The following EEF2K variants were observed in gnomAD, a reference collection of about 807,000 sequenced individuals.
EEF2K encodes the protein alternative protein EEF2K.
EEF2K carries 70 observed loss-of-function variants against 93.8 expected under a neutral mutation model. The ratio of observed to expected loss-of-function variants is 0.75; its 90% CI spans 0.62 to 0.91. EEF2K has a LOEUF of 0.91. Among genes scored for constraint, EEF2K ranks in the 40% least tolerant of loss-of-function variants. EEF2K has a pLI of 0.00. For synonymous variants in EEF2K, 376 were observed against 380.8 expected (o/e 0.99, Z 0.15); for missense variants, 935 against 972.9 (o/e 0.96, Z 0.52).
chr16:22,222,474 G>T (rs150611765), intron 1 of EEF2K, among the ~76,000 whole-genome samples: 17,154 of 151,574 alleles, frequency 0.11, 1,171 homozygotes, highest in East Asian at 0.29. Context: ...CTCCCAAAGT[G>T]CTGGGATTAC....
chr16:22,267,826 G>A (rs2047540299), intron 15 of EEF2K, among the ~76,000 whole-genome samples: 1 of 152,186 alleles, frequency 6.6e-6, no homozygotes, highest in Non-Finnish European at 1.5e-5. Flanking sequence ...GGAGCCTGCT[G>A]CTGCTTCTGT....
intron 8 of EEF2K, 42 bp from the exon 9 acceptor site, chr16:22,257,601 C>T (rs2047416732): frequency 1.2e-6 from 2 of 1,603,336 alleles, no homozygotes; most frequent in African/African-American, 1.3e-5. Flanking sequence ...TCCCCCGTCA[C>T]AGAGCAAAGC....
chr16:22,247,460 A>AG (rs35138611), intron 3 of EEF2K, among the ~76,000 whole-genome samples: 1 of 151,310 alleles, frequency 6.6e-6, no homozygotes, highest in East Asian at 1.9e-4. Context: ...AAAAAAAAAA[A>AG]TTCTCTAACC....
intron 1 of EEF2K, among the ~76,000 whole-genome samples, chr16:22,216,367 GCAGT>G (rs1254822270): frequency 6.6e-6 from 1 of 152,168 alleles, no homozygotes; most frequent in Non-Finnish European, 1.5e-5. Context: ...CACCTGGTGT[GCAGT>G]CAGTCTTTCA....
chr16:22,257,880 G>T, intron 9 of EEF2K, 110 bp downstream of exon 9: 1 of 1,476,462 alleles, frequency 6.8e-7, no homozygotes, highest in South Asian at 1.3e-5. Flanking sequence ...CTTAACTGAT[G>T]AATACCAGGG....
At position 22,248,808 on chromosome 16, in the gene EEF2K, C is replaced by T. The variant is rs753226497; in HGVS notation, c.401C>T (p.Ala134Val). Residue 134 changes from alanine to valine, a missense_variant, in exon 4 of 18, where the codon GCA (alanine) becomes GTA (valine). Transcript: ENST00000263026. ...WLDDEVLIKM[A>V]SQPFGRGAMR... Reference sequence around the variant, plus strand: ...GATGATGAAGTTCTGATCAAGATGGCATCTCAGGTGAGCAGAGCGTTGAGC... The same window carrying T: ...GATGATGAAGTTCTGATCAAGATGGTATCTCAGGTGAGCAGAGCGTTGAGC... 4 of 1,613,836 alleles carry T rather than the reference C, an allele frequency of 2.5e-6. No individual in the cohort carries two copies. The highest frequency in any genetic ancestry group is 4.5e-5 in the East Asian group (2 of 44,886).
rs371109837 is a variant in EEF2K, at chr16:22,256,897, G to T, written c.768G>T (p.Gln256His). The T allele has an allele frequency of 6.2e-7, 1 of 1,613,656 alleles. No homozygotes were observed. The highest frequency in any genetic ancestry group is 8.5e-7 in the Non-Finnish European group (1 of 1,179,974). ...ATGACAACATCCGCCTGACGCCGCA[G>T]GTGAGGCCGAGCTCACCTCCACCCT... ...VRDDNIRLTPQAFSHFTFERS... is the reference protein window; with the variant it reads ...VRDDNIRLTPHAFSHFTFERS... Residue 256 changes from glutamine to histidine, a missense_variant and splice_region_variant, in exon 7 of 18, where the codon CAG becomes CAT. Coordinates refer to ENST00000263026, the MANE Select transcript of EEF2K (RefSeq NM_013302.5).
At chr16:22,278,865 G>T (rs1374399200) in intron 16 of EEF2K, among the ~76,000 whole-genome samples, 3 of 152,134 alleles carry the variant, frequency 2.0e-5, no homozygotes, top group Admixed American at 6.6e-5. Context: ...GGAGTTGAGG[G>T]TCGACGGGCA....
intron 15 of EEF2K, among the ~76,000 whole-genome samples, chr16:22,271,549 A>G (rs964159559): frequency 2.0e-5 from 3 of 151,714 alleles, no homozygotes; most frequent in Non-Finnish European, 4.4e-5. Flanking sequence ...CCAAAAAAAC[A>G]AATTAGCCTG....
chr16:22,217,377 AG>A (rs2046968706), intron 1 of EEF2K, among the ~76,000 whole-genome samples: 3 of 152,012 alleles, frequency 2.0e-5, no homozygotes, highest in Non-Finnish European at 2.9e-5. Flanking sequence ...GATCATATAC[AG>A]TGGCCCTAGT....
At position 22,225,832 on chromosome 16, in the gene EEF2K, G is replaced by T; in HGVS notation, c.103G>T (p.Glu35Ter). 3 of 1,614,244 alleles carry T rather than the reference G, an allele frequency of 1.9e-6. No individual in the cohort carries two copies. The East Asian group carries it at 6.7e-5, about 36-fold the overall frequency. ...GDSDGDSDDE[E>*]GYFICPITDD... ...TTCTGATGGGGACAGCGACGATGAG[G>T]AAGGTTACTTCATCTGCCCCATCAC... The change falls in exon 2 of 18, where the codon GAA (glutamate) becomes TAA (stop). Residue 35 changes from glutamate to a stop codon, truncating the protein, a stop_gained. Transcript: ENST00000263026. LOFTEE classifies it high-confidence loss of function.
chr16:22,231,758 G>C (rs977004739), intron 2 of EEF2K, among the ~76,000 whole-genome samples: 1 of 151,794 alleles, frequency 6.6e-6, no homozygotes, highest in African/African-American at 2.4e-5. Context: ...TTGGGAGGCT[G>C]GGGCAGGTGG....
intron 15 of EEF2K, among the ~76,000 whole-genome samples, chr16:22,271,333 C>T (rs549035836): frequency 2.4e-4 from 37 of 152,064 alleles, no homozygotes; most frequent in South Asian, 8.3e-4. Flanking sequence ...ACAATTGACT[C>T]TTGGAGGTGG....
chr16:22,244,786 G>A, intron 3 of EEF2K, 56 bp downstream of exon 3: 1 of 1,580,500 alleles, frequency 6.3e-7, no homozygotes, highest in Non-Finnish European at 8.7e-7. Context: ...TCCAGCTTCT[G>A]TTCCCAATCA....
chr16:22,264,435 C>T (rs988089204), intron 12 of EEF2K, among the ~76,000 whole-genome samples: 1 of 152,068 alleles, frequency 6.6e-6, no homozygotes, highest in Non-Finnish European at 1.5e-5. Flanking sequence ...CACACTGCTG[C>T]ACTCCAGCCT....
rs532938020 is a variant in EEF2K, at chr16:22,260,229, A to AC, written c.1232-231dup. 1.4e-4 allele frequency among the ~76,000 whole-genome samples: 21 copies of AC among 152,320 alleles called. No homozygotes were observed. The East Asian group carries it at 3.7e-3, about 27-fold the overall frequency. ...AACCCTGAGGACACACATAGGTGAC[A>AC]CCACTTGGCCAGAATCATGTAGCTG... On this transcript the variant is annotated intron_variant, in intron 10 of 17. Coordinates refer to ENST00000263026, the MANE Select transcript of EEF2K (RefSeq NM_013302.5).
intron 1 of EEF2K, among the ~76,000 whole-genome samples, chr16:22,225,167 C>G (rs907775943): frequency 6.6e-6 from 1 of 151,950 alleles, no homozygotes; most frequent in African/African-American, 2.4e-5. Flanking sequence ...TACAAAGGCT[C>G]GGAGGTCGGA....
chr16:22,271,306 G>A (rs1220663404), intron 15 of EEF2K, among the ~76,000 whole-genome samples: 3 of 152,040 alleles, frequency 2.0e-5, no homozygotes, highest in Non-Finnish European at 2.9e-5. Context: ...AGCCAGTGGT[G>A]TGCTGGGGAA....
rs150365144 is a variant in EEF2K at position 22,270,778 on chromosome 16, T to C, written c.1765-2848T>C. On this transcript the variant is annotated intron_variant, in intron 15 of 17. Transcript: ENST00000263026. The stretch of plus-strand genomic sequence containing the variant: ...CTTATGGTTCAGTCAGATTACATCA[T>C]TTGACATGTGGGCAGGGCGTCGCCC... Among the ~76,000 whole-genome samples, 90 of 152,200 alleles carry C rather than the reference T, an allele frequency of 5.9e-4. No individual in the cohort carries two copies. In the East Asian group the frequency reaches 0.017, roughly 28 times the overall value.
Sources: allele counts gnomAD v4.1 joint callset (sites outside exome capture counted in the v4.1 genomes callset), GRCh38; gene constraint gnomAD v4.1.1; transcripts MANE v1.5; gene names NCBI Gene and HGNC (gene_info 2026-07-23, HGNC 2026-07-21).